NPAS2: variants seen among roughly 807,000 people sequenced by gnomAD.
The protein encoded by NPAS2 is neuronal PAS domain-containing protein 2.
In NPAS2, 23 loss-of-function variants were observed where a neutral mutation model predicts 107.5. That is an observed-to-expected ratio of 0.21 (90% CI 0.15 to 0.30). The LOEUF (loss-of-function observed/expected upper bound fraction) is 0.30, where lower values mean the gene tolerates loss of function less well. Ranked by LOEUF, NPAS2 falls within the 10% of genes least tolerant of loss-of-function variation. The probability of loss-of-function intolerance (pLI) is 1.00; values close to 1 mark genes in which losing one functional copy is unlikely to be tolerated. For missense variants in NPAS2, 756 were observed against 1,043.3 expected, an observed-to-expected ratio of 0.72 and a Z score of 3.79; for synonymous variants, 403 against 417.5, an observed-to-expected ratio of 0.97 and a Z score of 0.42.
intron 1 of NPAS2, among the ~76,000 whole-genome samples, chr2:100,842,081 G>GCGCGCGTGCGCGCGCGCGCACACACACA: frequency 3.7e-4 from 55 of 148,900 alleles, no homozygotes; most frequent in African/African-American, 1.2e-3. Context: ...GCATGTACGC[G>GCGCGCGTGCGCGCGCGCGCACACACACA]CACACACACA....
chr2:100,988,193 G>A lies in NPAS2; in HGVS notation c.1744G>A (p.Gly582Ser), dbSNP rs767425647. 8.1e-6 allele frequency: 13 copies of A among 1,614,150 alleles called. No individual in the cohort carries two copies. Among genetic ancestry groups the A allele is most frequent in the Non-Finnish European group, 1.1e-5 (13 of 1,180,032 alleles). The change falls in exon 17 of 21, where the codon GGC (glycine) becomes AGC (serine). Residue 582 changes from glycine to serine, a missense_variant. By Grantham distance (56) the Gly-to-Ser change is moderately conservative. Coordinates refer to ENST00000335681, the MANE Select transcript of NPAS2 (RefSeq NM_002518.4). The stretch of plus-strand genomic sequence containing the variant: ...AGTGACTCAGCCCCAGCTCGGGGCG[G>A]GCCCCCAACTTCCAGGGCAGATCTC... ...AAVTQPQLGA[G>S]PQLPGQISSA...
chr2:100,916,427 A>G (rs1682886487), intron 2 of NPAS2, among the ~76,000 whole-genome samples: 1 of 152,214 alleles, frequency 6.6e-6, no homozygotes, highest in Non-Finnish European at 1.5e-5. Context: ...TACCAAACAA[A>G]CACTAATTAA....
chr2:100,949,288 T>C, intron 6 of NPAS2, 79 bp from the exon 7 acceptor site: 1 of 845,344 alleles, frequency 1.2e-6, no homozygotes, highest in Non-Finnish European at 2.0e-6. Flanking sequence ...CATAAGAGTT[T>C]TCACAGAGAC....
intron 1 of NPAS2, among the ~76,000 whole-genome samples, chr2:100,889,835 C>G (rs1680937335): frequency 6.6e-6 from 1 of 151,916 alleles, no homozygotes; most frequent in African/African-American, 2.4e-5. Flanking sequence ...ATGCTTTTTA[C>G]TTTTTAATTG....
At chr2:100,940,916 C>A (rs924823489) in intron 5 of NPAS2, among the ~76,000 whole-genome samples, 1 of 152,100 alleles carries the variant, frequency 6.6e-6, no homozygotes, top group Non-Finnish European at 1.5e-5. Context: ...AGGTGGAGGT[C>A]GGGACACAGG....
At chr2:100,975,383 G>T in intron 13 of NPAS2, 75 bp from the exon 14 acceptor site, 4 of 1,330,540 alleles carry the variant, frequency 3.0e-6, no homozygotes, top group Non-Finnish European at 4.2e-6. Context: ...GCACACCACG[G>T]TCATGGGTCC....
chr2:100,946,047 C>T (rs144709724), intron 5 of NPAS2, among the ~76,000 whole-genome samples: 2 of 152,346 alleles, frequency 1.3e-5, no homozygotes, highest in Non-Finnish European at 2.9e-5. Flanking sequence ...CAACTCAGCA[C>T]ATAGCTGTAC....
chr2:100,996,153 T>C lies in NPAS2; in HGVS notation c.*571T>C, dbSNP rs1053096. The stretch of plus-strand genomic sequence containing the variant: ...AATAATAAGGTCTCATGGCTTCATT[T>C]AGAGACCACAGTAACAACAGCAGCC... On this transcript the variant is annotated 3_prime_UTR_variant, in exon 21 of 21. Transcript: ENST00000335681. 0.62 allele frequency: 172,319 copies of C among 275,780 alleles called. 55,205 individuals carry two copies. The highest frequency in any genetic ancestry group is 0.71 in the Middle Eastern group (489 of 690). 17.1% of individuals were successfully genotyped at this position (275,780 alleles called of 1,614,324 possible). A position where few individuals can be genotyped will look rare whatever the true frequency, so the allele number is the denominator to read the frequency against.
intron 1 of NPAS2, among the ~76,000 whole-genome samples, chr2:100,875,488 AC>A (rs1679903089): frequency 4.7e-5 from 7 of 150,118 alleles, no homozygotes; most frequent in Non-Finnish European, 1.0e-4. Flanking sequence ...ACACACACAC[AC>A]ACACACACAC....
intron 1 of NPAS2, among the ~76,000 whole-genome samples, chr2:100,865,112 T>A (rs537135974): frequency 6.6e-6 from 1 of 152,342 alleles, no homozygotes; most frequent in South Asian, 2.1e-4. Context: ...GGCTTTATTA[T>A]GAAAATAGTT....
chr2:100,985,913 T>G (rs1290531414), intron 16 of NPAS2: 2 of 152,222 alleles, frequency 1.3e-5, no homozygotes, highest in Non-Finnish European at 2.9e-5. Context: ...CTGCCTCTCA[T>G]CAATAAAGGT....
In NPAS2 at chr2:100,834,844, G is replaced by A. The variant is rs190888879; in HGVS notation, c.-23+14430G>A. On this transcript the variant is annotated intron_variant, in intron 1 of 20. Coordinates refer to ENST00000335681, the MANE Select transcript of NPAS2 (RefSeq NM_002518.4). ...CAAGTAGCTGGGATTACAGGCATGC[G>A]CCACCATGCCCAGCTAATTTTTTAT... Among the ~76,000 whole-genome samples, 12 of 152,092 alleles carry A rather than the reference G, an allele frequency of 7.9e-5. 1 individual carries two copies. The South Asian group carries it at 8.3e-4, about 11-fold the overall frequency.
At chr2:100,991,782 G>A (rs915959658) in intron 19 of NPAS2, among the ~76,000 whole-genome samples, 1 of 152,182 alleles carries the variant, frequency 6.6e-6, no homozygotes, top group Admixed American at 6.5e-5. Context: ...GAAGAGGCTG[G>A]GCTTTAAAGG....
intron 4 of NPAS2, among the ~76,000 whole-genome samples, chr2:100,933,700 T>A (rs936985583): frequency 1.3e-5 from 2 of 152,196 alleles, no homozygotes. Flanking sequence ...CATAAGCCTC[T>A]ACAGAAACAA....
intron 15 of NPAS2, among the ~76,000 whole-genome samples, chr2:100,979,151 C>G (rs2105262537): frequency 6.6e-6 from 1 of 152,196 alleles, no homozygotes; most frequent in South Asian, 2.1e-4. Context: ...GTGCTGCTTG[C>G]CAGAGTCAGG....
chr2:100,882,421 A>C, intron 1 of NPAS2, among the ~76,000 whole-genome samples: 1 of 152,212 alleles, frequency 6.6e-6, no homozygotes, highest in Non-Finnish European at 1.5e-5. Flanking sequence ...CATCCTGGCT[A>C]ACACAGTGAA....
chr2:100,995,674 C>T lies in NPAS2; in HGVS notation c.*92C>T. 1 of 1,551,294 alleles carries T rather than the reference C, an allele frequency of 6.4e-7. No homozygotes were observed. On this transcript the variant is annotated 3_prime_UTR_variant, in exon 21 of 21. Transcript: ENST00000335681. ...ATGGGGAGAGGAGTCTGAACTAAAC[C>T]CCTGGCTTTTGTGCACACTGCATAC...
chr2:100,870,232 A>T (rs1679499372), intron 1 of NPAS2, among the ~76,000 whole-genome samples: 1 of 152,076 alleles, frequency 6.6e-6, no homozygotes, highest in African/African-American at 2.4e-5. Context: ...CTCAACAGTT[A>T]TTCAGAAGTT....
intron 1 of NPAS2, among the ~76,000 whole-genome samples, chr2:100,842,081 G>GCGCACACACACACACACACACACACA: frequency 6.7e-6 from 1 of 148,798 alleles, no homozygotes; most frequent in Admixed American, 6.7e-5. Flanking sequence ...GCATGTACGC[G>GCGCACACACACACACACACACACACA]CACACACACA....
Sources: allele counts gnomAD v4.1 joint callset (sites outside exome capture counted in the v4.1 genomes callset), GRCh38; gene constraint gnomAD v4.1.1; transcripts MANE v1.5; gene names NCBI Gene and HGNC (gene_info 2026-07-23, HGNC 2026-07-21).